Variants in NRXN1 observed in about 807,000 individuals in gnomAD.
NRXN1 encodes neurexin 1, also known as neurexin-1.
In NRXN1, 39 loss-of-function variants were observed where a neutral mutation model predicts 150.9. The observed-to-expected ratio is 0.26, with a 90% CI of 0.20 to 0.34. The LOEUF (loss-of-function observed/expected upper bound fraction) is 0.34, where lower values mean the gene tolerates loss of function less well. NRXN1 is among the 10% of genes least tolerant of loss of function. NRXN1 has a pLI of 1.00. For synonymous variants in NRXN1, 924 were observed against 757.0 expected (o/e 1.22, Z -3.62); for missense variants, 1,815 against 1,949.9 (o/e 0.93, Z 1.30).
chr2:51,016,422 C>T (rs1010349993), intron 2 of NRXN1, among the ~76,000 whole-genome samples: 3 of 151,998 alleles, frequency 2.0e-5, no homozygotes, highest in African/African-American at 7.2e-5. Flanking sequence ...AACAAAACAA[C>T]CCCATCAAGA....
chr2:50,038,767 C>T (rs1416851972), intron 21 of NRXN1, among the ~76,000 whole-genome samples: 5 of 144,862 alleles, frequency 3.5e-5, no homozygotes, highest in African/African-American at 1.3e-4. Context: ...CCCTCCCTCC[C>T]TCCTTTCCTT....
intron 5 of NRXN1, among the ~76,000 whole-genome samples, chr2:50,902,909 AACT>A (rs554978358): frequency 6.6e-6 from 1 of 152,186 alleles, no homozygotes; most frequent in East Asian, 1.9e-4. Flanking sequence ...CCTAAATCAG[AACT>A]ACTACTACTG....
At chr2:50,688,952 T>C (rs1691654679) in intron 5 of NRXN1, among the ~76,000 whole-genome samples, 1 of 152,176 alleles carries the variant, frequency 6.6e-6, no homozygotes, top group Non-Finnish European at 1.5e-5. Flanking sequence ...CCGAACACAT[T>C]TAAGTGGATT....
Position 50,719,082 on chromosome 2 carries a change from C to T in NRXN1, c.833-95467G>A, listed in dbSNP as rs541968464. 3.3e-5 allele frequency among the ~76,000 whole-genome samples: 5 copies of T among 151,356 alleles called. 1 individual carries two copies. Among genetic ancestry groups the T allele is most frequent in the African/African-American group, 1.2e-4 (5 of 41,404 alleles). On this transcript the variant is annotated intron_variant, in intron 5 of 22. Transcript: ENST00000401669. ...TTCCACCATTGTGAATGCACTAAAA[C>T]ACATTCAAAGAATTAAAAATTTGGA... is the stretch of plus-strand genomic sequence containing the variant.
At chr2:50,367,337 A>C (rs2079656040) in intron 17 of NRXN1, among the ~76,000 whole-genome samples, 1 of 152,080 alleles carries the variant, frequency 6.6e-6, no homozygotes, top group South Asian at 2.1e-4. Flanking sequence ...ACACACTTTC[A>C]ACCAGGAGGT....
At chr2:50,517,941 C>G (rs747866117) in intron 12 of NRXN1, among the ~76,000 whole-genome samples, 4 of 152,108 alleles carry the variant, frequency 2.6e-5, no homozygotes, top group African/African-American at 4.8e-5. Flanking sequence ...ACCTCCTGCT[C>G]TATTTCTTCT....
intron 5 of NRXN1, among the ~76,000 whole-genome samples, chr2:50,720,596 T>C (rs1352124879): frequency 6.6e-6 from 1 of 152,222 alleles, no homozygotes; most frequent in Non-Finnish European, 1.5e-5. Context: ...ACTTAGTGTT[T>C]TCCAGAACAC....
At position 50,228,216 on chromosome 2, in the gene NRXN1, T is replaced by C. The variant is rs77873890; in HGVS notation, c.3546+8573A>G. Among the ~76,000 whole-genome samples, 819 of 152,208 alleles carry C rather than the reference T, an allele frequency of 5.4e-3. 5 individuals are homozygous for C. The highest frequency in any genetic ancestry group is 0.019 in the African/African-American group (791 of 41,556). ...TTAAAATGATAATATTCTGGGCATA[T>C]TGAGTTAAAATATATTCTCAAAGTT... On this transcript the variant is annotated intron_variant, in intron 18 of 22. Transcript: ENST00000401669.
rs2081599147 is a variant in NRXN1, at chr2:50,390,272, A to AT, written c.3364+75169dup. Among the ~76,000 whole-genome samples, 4 of 152,186 alleles carry AT rather than the reference A, an allele frequency of 2.6e-5. 1 individual carries two copies. In the South Asian group the frequency reaches 8.3e-4, roughly 31 times the overall value. ...AATAGGAGAAATTCTCATAAGGATG[A>AT]TTAAGTTTTCCTAACTTCTCCTCCT... On this transcript the variant is annotated intron_variant, in intron 17 of 22. Transcript: ENST00000401669.
At chr2:50,219,945 A>C (rs2063705717) in intron 18 of NRXN1, among the ~76,000 whole-genome samples, 6 of 46,778 alleles carry the variant, frequency 1.3e-4, no homozygotes, top group Middle Eastern at 9.3e-3. Flanking sequence ...ATTATATATT[A>C]TATATATAAT....
At chr2:50,950,198 CT>C (rs1691077634) in intron 2 of NRXN1, among the ~76,000 whole-genome samples, 1 of 151,958 alleles carries the variant, frequency 6.6e-6, no homozygotes, top group African/African-American at 2.4e-5. Flanking sequence ...TTCTACAAAT[CT>C]TTTAAAACAT....
At chr2:50,094,896 G>T (rs1290890496) in intron 18 of NRXN1, among the ~76,000 whole-genome samples, 1 of 152,114 alleles carries the variant, frequency 6.6e-6, no homozygotes, top group Non-Finnish European at 1.5e-5. Context: ...TAATAATGGG[G>T]TTAAGGTCTG....
At chr2:50,091,567 G>T (rs925620198) in intron 18 of NRXN1, 73 bp from the exon 19 acceptor site, 1 of 1,501,478 alleles carries the variant, frequency 6.7e-7, no homozygotes, top group Non-Finnish European at 9.2e-7. Flanking sequence ...TACATACAAG[G>T]TATTGTTTTA....
chr2:50,854,075 C>T (rs548123068), intron 5 of NRXN1, among the ~76,000 whole-genome samples: 1 of 151,960 alleles, frequency 6.6e-6, no homozygotes, highest in Non-Finnish European at 1.5e-5. Context: ...TGGCAAAAGA[C>T]AAGATTGAGA....
chr2:49,985,585 T>C (rs1680766593), intron 21 of NRXN1, among the ~76,000 whole-genome samples: 1 of 152,224 alleles, frequency 6.6e-6, no homozygotes, highest in Admixed American at 6.5e-5. Flanking sequence ...GTCATTAGTG[T>C]GCACTGAGTT....
At chr2:50,577,230 A>G (rs971609349) in intron 8 of NRXN1, among the ~76,000 whole-genome samples, 10 of 152,148 alleles carry the variant, frequency 6.6e-5, no homozygotes, top group African/African-American at 1.9e-4. Context: ...TTAAATTAGA[A>G]CATTCATTTT....
intron 18 of NRXN1, among the ~76,000 whole-genome samples, chr2:50,144,378 C>T (rs557307099): frequency 8.6e-5 from 13 of 151,756 alleles, no homozygotes; most frequent in Non-Finnish European, 1.6e-4. Flanking sequence ...ATACTCACAG[C>T]CCCTGAGTTT....
chr2:49,970,477 A>G (rs1354704573), intron 21 of NRXN1: 1 of 152,092 alleles, frequency 6.6e-6, no homozygotes, highest in Non-Finnish European at 1.5e-5. Flanking sequence ...AGATATATCC[A>G]TGAATGTATA....
At chr2:49,956,515 C>T (rs1012196162) in intron 21 of NRXN1, among the ~76,000 whole-genome samples, 2 of 151,962 alleles carry the variant, frequency 1.3e-5, no homozygotes, top group East Asian at 1.9e-4. Flanking sequence ...TTTTTTTCAT[C>T]TCTTCCTATT....
Sources: gnomAD v4.1 joint callset for allele counts (sites outside exome capture counted in the v4.1 genomes callset) on GRCh38, gnomAD v4.1.1 for gene constraint, MANE v1.5 for transcripts, NCBI Gene and HGNC (gene_info 2026-07-23, HGNC 2026-07-21) for gene names.